The following SH2D3C variants were observed in gnomAD, a reference collection of about 807,000 sequenced individuals.
SH2D3C encodes the protein SH2 domain containing 3C, also known as SH2 domain-containing protein 3C.
Under a neutral mutation model 75.2 loss-of-function variants are expected in SH2D3C, and 25 were observed. That is an observed-to-expected ratio of 0.33 (90% CI 0.24 to 0.46). The LOEUF is 0.46. SH2D3C is among the 20% of genes least tolerant of loss of function. The pLI is 1.00. For synonymous variants in SH2D3C, 450 were observed against 473.7 expected, an observed-to-expected ratio of 0.95 and a Z score of 0.65; for missense variants, 933 against 1,165.3, an observed-to-expected ratio of 0.80 and a Z score of 2.90.
intron 3 of SH2D3C, among the ~76,000 whole-genome samples, chr9:127,756,409 C>T (rs1001064226): frequency 2.0e-5 from 3 of 152,230 alleles, no homozygotes; most frequent in African/African-American, 7.2e-5. Flanking sequence ...AGGTCCAAAT[C>T]CTTCTGACAG....
At chr9:127,748,305 T>A (rs573074769) in intron 5 of SH2D3C, among the ~76,000 whole-genome samples, 5,477 of 152,158 alleles carry the variant, frequency 0.036, 139 homozygotes, top group African/African-American at 0.073. Flanking sequence ...GTTTACTGGT[T>A]CCCAACCACA....
Position 127,751,138 on chromosome 9 carries a change from T to C in SH2D3C, c.684+34A>G. ...CTGGCCAAGGCAGTGGGTGGGAGGG[T>C]CCCGGGTTGAAGTCCAGCTCGGGGC... On this transcript the variant is annotated intron_variant, in intron 4 of 11. Transcript: ENST00000314830. This position sits in a 1 kb window ranked among gnomAD's most constrained non-coding sequence, Gnocchi z 4.1. 6.2e-7 allele frequency: 1 copy of C among 1,608,848 alleles called. No homozygotes were observed. The highest frequency in any genetic ancestry group is 1.1e-5 in the South Asian group (1 of 90,806).
chr9:127,758,389 C>T (rs1845447961), intron 3 of SH2D3C, among the ~76,000 whole-genome samples: 1 of 151,212 alleles, frequency 6.6e-6, no homozygotes, highest in Non-Finnish European at 1.5e-5. Flanking sequence ...AAAAAAAAAC[C>T]TACATTTTTA....
In SH2D3C at chr9:127,754,170, G is replaced by A. The variant is rs562074452; in HGVS notation, c.556-2870C>T. 4.1e-4 allele frequency among the ~76,000 whole-genome samples: 63 copies of A among 152,316 alleles called. No individual in the cohort carries two copies. The highest frequency in any genetic ancestry group is 1.5e-3 in the African/African-American group (62 of 41,584). ...GCGCTCGGCGCCCTGCTATTGGCCAGAGATGATCTCACCGCCTCCCGGCCT... is the reference window on the plus strand; with the variant it reads ...GCGCTCGGCGCCCTGCTATTGGCCAAAGATGATCTCACCGCCTCCCGGCCT... On this transcript the variant is annotated intron_variant, in intron 3 of 11. Transcript: ENST00000314830. The surrounding 1 kb of genome is among the most constrained non-coding windows in gnomAD (Gnocchi z 4.4).
At position 127,744,941 on chromosome 9, in the gene SH2D3C, G is replaced by A; in HGVS notation, c.1423C>T (p.Leu475Phe). The change falls in exon 7 of 12, where the codon CTT becomes TTT. Residue 475 changes from leucine (L) to phenylalanine (F), a missense_variant. Transcript: ENST00000314830. ...KGPHTSPSHT[L>F]GKASPSPSLS... ...GATGGTGACGGGGAGGCCTTGCCAAGGGTGTGGGAGGGGCTGGTGTGGGGG... is the reference window on the plus strand; with the variant it reads ...GATGGTGACGGGGAGGCCTTGCCAAAGGTGTGGGAGGGGCTGGTGTGGGGG... The A allele has an allele frequency of 6.3e-7, 1 of 1,579,520 alleles. No homozygotes were observed.
rs879350562 is a variant in SH2D3C, at chr9:127,759,683, TA to T, written c.555+1927del. Among the ~76,000 whole-genome samples, 377 of 150,358 alleles carry T rather than the reference TA, an allele frequency of 2.5e-3. 1 individual carries two copies. The highest frequency in any genetic ancestry group is 4.7e-3 in the Non-Finnish European group (317 of 67,464). ...GGGCAACACAGTGAGACCCCACCTTTAAAAAAAAATTGTTTTTTGGCCGGGC... is the reference window on the plus strand; with the variant it reads ...GGGCAACACAGTGAGACCCCACCTTTAAAAAAAATTGTTTTTTGGCCGGGC... On this transcript the variant is annotated intron_variant, in intron 3 of 11. Coordinates refer to ENST00000314830, the MANE Select transcript of SH2D3C (RefSeq NM_170600.3).
intron 2 of SH2D3C, chr9:127,767,444 G>A (rs1231390578): frequency 1.0e-5 from 4 of 383,102 alleles, no homozygotes; most frequent in Non-Finnish European, 1.4e-5. Flanking sequence ...TCCCTGCTCT[G>A]TTCCTTACAT....
At chr9:127,777,036 C>T (rs1048839576) in intron 1 of SH2D3C, among the ~76,000 whole-genome samples, 1 of 152,202 alleles carries the variant, frequency 6.6e-6, no homozygotes, top group Non-Finnish European at 1.5e-5. Flanking sequence ...AACTGAGGCC[C>T]AGAGTCCAGG....
intron 2 of SH2D3C, among the ~76,000 whole-genome samples, chr9:127,767,611 C>A (rs530079044): frequency 6.6e-6 from 1 of 152,186 alleles, no homozygotes; most frequent in Non-Finnish European, 1.5e-5. Context: ...CTGAGAGGGC[C>A]CTCGGCTGGG....
chr9:127,776,236 G>A (rs1385949841), intron 1 of SH2D3C, among the ~76,000 whole-genome samples: 1 of 152,202 alleles, frequency 6.6e-6, no homozygotes, highest in African/African-American at 2.4e-5. Context: ...CCATTTTCCA[G>A]ATGCGAAAAT....
chr9:127,743,163 T>C (rs1844917787), intron 7 of SH2D3C, among the ~76,000 whole-genome samples, 199 bp from the exon 8 acceptor site: 1 of 152,182 alleles, frequency 6.6e-6, no homozygotes, highest in Admixed American at 6.5e-5. Flanking sequence ...ATCTGTGAAG[T>C]AGGAATTAAT....
intron 2 of SH2D3C, among the ~76,000 whole-genome samples, chr9:127,769,316 C>G (rs1028040405): frequency 6.6e-6 from 1 of 152,184 alleles, no homozygotes; most frequent in Admixed American, 6.5e-5. Context: ...GGGCTCCTTT[C>G]CAGAGAGTCA....
chr9:127,761,343 G>T (rs1845520078), intron 3 of SH2D3C, among the ~76,000 whole-genome samples: 1 of 152,210 alleles, frequency 6.6e-6, no homozygotes, highest in Admixed American at 6.5e-5. Context: ...GCCCCGTCCA[G>T]CTGGCAAGTG....
At chr9:127,746,584 C>T (rs1201976665) in intron 6 of SH2D3C, among the ~76,000 whole-genome samples, 3 of 152,160 alleles carry the variant, frequency 2.0e-5, no homozygotes, top group Non-Finnish European at 4.4e-5. Context: ...GGGTGGATCA[C>T]CTGAGGTCAG....
At chr9:127,757,319 G>A (rs1845410114) in intron 3 of SH2D3C, among the ~76,000 whole-genome samples, 1 of 148,032 alleles carries the variant, frequency 6.8e-6, no homozygotes, top group African/African-American at 2.5e-5. Context: ...TCGCCCGGTT[G>A]GAGTGCAGTG....
In SH2D3C at chr9:127,738,809, G is replaced by T; in HGVS notation, c.2520C>A (p.Phe840Leu). The T allele has an allele frequency of 2.5e-6, 4 of 1,608,598 alleles. No individual in the cohort carries two copies. The highest frequency in any genetic ancestry group is 3.4e-6 in the Non-Finnish European group (4 of 1,177,848). Residue 840 changes from phenylalanine (F) to leucine (L), a missense_variant, in exon 12 of 12, where the codon TTC becomes TTA. Transcript: ENST00000314830. The surrounding 1 kb of genome is among the most constrained non-coding windows in gnomAD (Gnocchi z 5.0). ...GGGACAGGGCAGTGAGGACCTTGTC[G>T]AACTTCTCATAGCGCCGGGCCTGGC... is the stretch of plus-strand genomic sequence containing the variant. ...SSSQARRYEKFDKVLTALSHK... is the reference protein window; with the variant it reads ...SSSQARRYEKLDKVLTALSHK...
At chr9:127,769,320 A>G (rs7037574) in intron 2 of SH2D3C, among the ~76,000 whole-genome samples, 98,242 of 152,140 alleles carry the variant, frequency 0.65, 32,514 homozygotes, top group East Asian at 0.97. Context: ...TCCTTTCCAG[A>G]GAGTCATGGG....
intron 2 of SH2D3C, chr9:127,771,455 C>A: frequency 4.4e-6 from 5 of 1,130,132 alleles, no homozygotes; most frequent in Non-Finnish European, 5.8e-6. Context: ...GGCCCTCCGC[C>A]TGCGGTCTCG....
At chr9:127,758,376 T>TA (rs112967033) in intron 3 of SH2D3C, among the ~76,000 whole-genome samples, 5,678 of 145,880 alleles carry the variant, frequency 0.039, 140 homozygotes, top group African/African-American at 0.077. Context: ...TTTACAATGT[T>TA]AAAAAAAAAA....
Sources: allele counts gnomAD v4.1 joint callset (sites outside exome capture counted in the v4.1 genomes callset), GRCh38; gene constraint gnomAD v4.1.1; non-coding constraint Gnocchi (gnomAD v3.1); transcripts MANE v1.5; gene names NCBI Gene and HGNC (gene_info 2026-07-23, HGNC 2026-07-21).